Variants in STEAP1B observed in about 807,000 individuals in gnomAD.
STEAP1B encodes the protein STEAP family protein MGC87042.
A neutral mutation model predicts 27.9 loss-of-function variants in STEAP1B; 13 were observed. The observed-to-expected ratio is 0.47, with a 90% CI of 0.30 to 0.74. The LOEUF is 0.74. Among genes scored for constraint, STEAP1B ranks in the 30% least tolerant of loss-of-function variants. STEAP1B has a pLI of 0.06. For missense variants in STEAP1B, 250 were observed against 298.7 expected (o/e 0.84, Z 1.20); for synonymous variants, 86 against 107.1 (o/e 0.80, Z 1.22).
intron 4 of STEAP1B, among the ~76,000 whole-genome samples, chr7:22,453,985 A>G (rs764901110): frequency 1.3e-5 from 2 of 152,248 alleles, no homozygotes; most frequent in Admixed American, 1.3e-4. Flanking sequence ...GCTATTATGA[A>G]TAAAGATTCT....
chr7:22,419,570 A>G lies in STEAP1B; in HGVS notation c.*234T>C. 2 of 360,184 alleles carry G rather than the reference A, an allele frequency of 5.6e-6. No homozygotes were observed. Among genetic ancestry groups the G allele is most frequent in the East Asian group, 4.2e-5 (1 of 23,652 alleles). 22.3% of individuals were successfully genotyped at this position (360,184 alleles called of 1,614,324 possible). A position where few individuals can be genotyped will look rare whatever the true frequency, so the allele number is the denominator to read the frequency against. ...GTTAGGCTCCGTAACAACCAACACA[A>G]TCTCAGTGGATTAGCACAACACATA... On this transcript the variant is annotated 3_prime_UTR_variant, in exon 5 of 5. Transcript: ENST00000678116.
At position 22,499,056 on chromosome 7, in the gene STEAP1B, C is replaced by A. The variant is rs138030169; in HGVS notation, c.-32+1058G>T. Among the ~76,000 whole-genome samples the A allele has an allele frequency of 2.6e-3, 401 of 152,282 alleles. 3 individuals are homozygous for A. Among genetic ancestry groups the A allele is most frequent in the African/African-American group, 9.1e-3 (376 of 41,544 alleles). The stretch of plus-strand genomic sequence containing the variant: ...TGTAATTTAAGTTCTACAGTAAAAT[C>A]TTTTCATAAAAAGAAAAATAACAGA... On this transcript the variant is annotated intron_variant, in intron 1 of 4. Transcript: ENST00000678116.
At chr7:22,469,961 A>G (rs1785853007) in intron 4 of STEAP1B, among the ~76,000 whole-genome samples, 1 of 152,168 alleles carries the variant, frequency 6.6e-6, no homozygotes, top group Non-Finnish European at 1.5e-5. Flanking sequence ...AGATATGCAC[A>G]CTCACATTCA....
intron 4 of STEAP1B, among the ~76,000 whole-genome samples, chr7:22,440,786 ACAT>A (rs1386193935): frequency 6.6e-6 from 1 of 152,042 alleles, no homozygotes; most frequent in African/African-American, 2.4e-5. Flanking sequence ...CACTGAAATA[ACAT>A]TCTTCAAATA....
At chr7:22,463,541 C>T (rs1785716877) in intron 4 of STEAP1B, among the ~76,000 whole-genome samples, 2 of 152,190 alleles carry the variant, frequency 1.3e-5, no homozygotes, top group South Asian at 2.1e-4. Context: ...CATCACACTA[C>T]CTGACTTCAA....
rs1184086186 is a variant in STEAP1B, at chr7:22,458,342, G to A, written c.762+34223C>T. Among the ~76,000 whole-genome samples the A allele has an allele frequency of 2.0e-5, 3 of 152,182 alleles. No individual in the cohort carries two copies. The East Asian group carries it at 5.8e-4, about 29-fold the overall frequency. On this transcript the variant is annotated intron_variant, in intron 4 of 4. Coordinates refer to ENST00000678116, the MANE Select transcript of STEAP1B (RefSeq NM_001382447.1). ...CCATGGGAGCACCCAGTAGAGGCTCGGAGCCAGAGAAGATTGTAACCAGGG... is the reference window on the plus strand; with the variant it reads ...CCATGGGAGCACCCAGTAGAGGCTCAGAGCCAGAGAAGATTGTAACCAGGG...
chr7:22,429,658 TGCTCAGAACAGTGC>T (rs1715904240), intron 4 of STEAP1B, among the ~76,000 whole-genome samples: 1 of 152,246 alleles, frequency 6.6e-6, no homozygotes, highest in Non-Finnish European at 1.5e-5. Context: ...TTCATCACAC[TGCTCAGAACAGTGC>T]ACAATTAAAA....
At chr7:22,456,972 A>ATATATATATTTTTTTTTTTTT in intron 4 of STEAP1B, among the ~76,000 whole-genome samples, 5 of 57,072 alleles carry the variant, frequency 8.8e-5, no homozygotes, top group Admixed American at 2.0e-4. Flanking sequence ...ATATATATAT[A>ATATATATATTTTTTTTTTTTT]TTTTTTTTTT....
Position 22,429,638 on chromosome 7 carries a change from C to G in STEAP1B, c.763-9802G>C, listed in dbSNP as rs554429211. On this transcript the variant is annotated intron_variant, in intron 4 of 4. Transcript: ENST00000678116. ...CATCCTGAGCCAGACAGAGTAGGCC[C>G]ACACAAGATTTCATCACACTGCTCA... Among the ~76,000 whole-genome samples, 13 of 152,288 alleles carry G rather than the reference C, an allele frequency of 8.5e-5. No individual in the cohort carries two copies. In the East Asian group the frequency reaches 2.3e-3, roughly 27 times the overall value.
rs141493577 is a variant in STEAP1B at position 22,438,077 on chromosome 7, C to T, written c.763-18241G>A. Among the ~76,000 whole-genome samples the T allele has an allele frequency of 7.7e-3, 1,175 of 152,166 alleles. 15 individuals are homozygous for T. The highest frequency in any genetic ancestry group is 0.027 in the African/African-American group (1,107 of 41,494). On this transcript the variant is annotated intron_variant, in intron 4 of 4. Coordinates refer to ENST00000678116, the MANE Select transcript of STEAP1B (RefSeq NM_001382447.1). ...TAGGTTTCTTTTTCATTTTGTCGAT[C>T]GTTTCTTTTGCTGTGCAGAAGGTTT...
At chr7:22,482,258 T>C (rs1229126895) in intron 4 of STEAP1B, among the ~76,000 whole-genome samples, 2 of 152,166 alleles carry the variant, frequency 1.3e-5, no homozygotes, top group Non-Finnish European at 2.9e-5. Flanking sequence ...AATGATTTAC[T>C]GGGGGTATGC....
Position 22,492,387 on chromosome 7 carries a change from T to C in STEAP1B, c.762+178A>G, listed in dbSNP as rs180729577. The C allele has an allele frequency of 4.2e-3, 2,715 of 651,912 alleles. 66 individuals are homozygous for C. In the African/African-American group the frequency reaches 0.046, roughly 11 times the overall value. 40.4% of individuals were successfully genotyped at this position (651,912 alleles called of 1,614,324 possible). A position where few individuals can be genotyped will look rare whatever the true frequency, so the allele number is the denominator to read the frequency against. On this transcript the variant is annotated intron_variant, in intron 4 of 4. Transcript: ENST00000678116. Reference sequence around the variant, plus strand: ...TTTTTATTTATGTCTAGGAAACACTTGTCCTAATTAGAAGCAATAGGGAAA... The same window carrying C: ...TTTTTATTTATGTCTAGGAAACACTCGTCCTAATTAGAAGCAATAGGGAAA...
At chr7:22,450,306 G>A (rs1322071806) in intron 4 of STEAP1B, among the ~76,000 whole-genome samples, 1 of 152,108 alleles carries the variant, frequency 6.6e-6, no homozygotes. Flanking sequence ...TTCATACTTG[G>A]GATCTTAGAT....
At chr7:22,459,919 CCCA>C (rs1001198799) in intron 4 of STEAP1B, among the ~76,000 whole-genome samples, 5 of 152,144 alleles carry the variant, frequency 3.3e-5, no homozygotes, top group African/African-American at 1.2e-4. Flanking sequence ...TATCCAATTT[CCCA>C]CCACAATAGC....
chr7:22,475,663 G>A (rs1785959610), intron 4 of STEAP1B, among the ~76,000 whole-genome samples: 2 of 152,174 alleles, frequency 1.3e-5, no homozygotes, highest in Admixed American at 6.5e-5. Context: ...CTTTCCCTGA[G>A]AATGACCCTG....
chr7:22,460,919 A>G (rs1339224101), intron 4 of STEAP1B, among the ~76,000 whole-genome samples: 2 of 152,232 alleles, frequency 1.3e-5, no homozygotes, highest in Non-Finnish European at 2.9e-5. Flanking sequence ...CTGACTTTAA[A>G]GGAGAAATAC....
chr7:22,465,509 T>C (rs909372052), intron 4 of STEAP1B, among the ~76,000 whole-genome samples: 1 of 152,246 alleles, frequency 6.6e-6, no homozygotes, highest in Non-Finnish European at 1.5e-5. Context: ...TAGGTAATTC[T>C]TCTGTTGTGT....
At chr7:22,443,031 G>T (rs928352345) in intron 4 of STEAP1B, among the ~76,000 whole-genome samples, 22 of 152,268 alleles carry the variant, frequency 1.4e-4, no homozygotes, top group Non-Finnish European at 2.9e-5. Context: ...TCAGTCTGAG[G>T]CTCCTTCCTT....
chr7:22,457,642 G>C (rs1785609116), intron 4 of STEAP1B, among the ~76,000 whole-genome samples: 1 of 152,206 alleles, frequency 6.6e-6, no homozygotes, highest in Admixed American at 6.5e-5. Flanking sequence ...TTGAATCTGA[G>C]TTTTCTTGCT....
Sources: allele counts gnomAD v4.1 joint callset (sites outside exome capture counted in the v4.1 genomes callset), GRCh38; gene constraint gnomAD v4.1.1; transcripts MANE v1.5; gene names NCBI Gene and HGNC (gene_info 2026-07-23, HGNC 2026-07-21).